Variants in CEP63 observed in about 807,000 individuals in gnomAD.
CEP63 encodes centrosomal protein 63.
In CEP63, 84 loss-of-function variants were observed where a neutral mutation model predicts 89.1. The ratio of observed to expected loss-of-function variants is 0.94; its 90% CI spans 0.79 to 1.13. The LOEUF is 1.13. Among genes scored for constraint, CEP63 ranks in the 50% most tolerant of loss-of-function variants. The probability of loss-of-function intolerance (pLI) is 0.00; values close to 1 mark genes in which losing one functional copy is unlikely to be tolerated. For synonymous variants in CEP63, 267 were observed against 272.5 expected (o/e 0.98, Z 0.20); for missense variants, 838 against 813.3 (o/e 1.03, Z -0.37).
At chr3:134,644,255 C>G in the CEP63 span, among the ~76,000 whole-genome samples, 3 of 152,240 alleles carry the variant, frequency 2.0e-5, no homozygotes, top group Admixed American at 1.3e-4. Flanking sequence ...CACACGTTCT[C>G]TCCACATGCA....
At chr3:134,532,572 T>A (rs932916121) in intron 4 of CEP63, among the ~76,000 whole-genome samples, 14 of 152,316 alleles carry the variant, frequency 9.2e-5, no homozygotes, top group South Asian at 2.1e-4. Context: ...AAATTTTTTT[T>A]AAAATTTTTT....
chr3:134,702,188 C>T, the CEP63 span, among the ~76,000 whole-genome samples: 2 of 152,034 alleles, frequency 1.3e-5, no homozygotes, highest in African/African-American at 4.8e-5. Context: ...GGGAGAACTA[C>T]AAACCACTGC....
intron 14 of CEP63, among the ~76,000 whole-genome samples, chr3:134,560,114 C>T (rs1451320140): frequency 6.6e-6 from 1 of 152,228 alleles, no homozygotes; most frequent in African/African-American, 2.4e-5. Context: ...CCTCACTTCA[C>T]TTTCTTCCTA....
chr3:134,753,577 T>C, the CEP63 span, among the ~76,000 whole-genome samples: 1 of 152,216 alleles, frequency 6.6e-6, no homozygotes, highest in Non-Finnish European at 1.5e-5. Context: ...AAGCACCTCA[T>C]GATTTCCAGA....
At chr3:134,690,452 C>A in the CEP63 span, among the ~76,000 whole-genome samples, 1 of 152,162 alleles carries the variant, frequency 6.6e-6, no homozygotes, top group Non-Finnish European at 1.5e-5. Flanking sequence ...AGCTGCACTG[C>A]AATAGAGTGT....
chr3:134,685,531 G>T, the CEP63 span, among the ~76,000 whole-genome samples: 2 of 152,194 alleles, frequency 1.3e-5, no homozygotes, highest in African/African-American at 4.8e-5. Context: ...ACAACTTGCG[G>T]TTTCATCTCT....
At chr3:134,551,058 C>T (rs1311443896) in intron 11 of CEP63, among the ~76,000 whole-genome samples, 1 of 152,092 alleles carries the variant, frequency 6.6e-6, no homozygotes, top group Non-Finnish European at 1.5e-5. Flanking sequence ...AGAGAAAAGA[C>T]AGGGAGCAAG....
the CEP63 span, among the ~76,000 whole-genome samples, chr3:134,658,125 T>C: frequency 7.2e-5 from 11 of 152,180 alleles, no homozygotes; most frequent in African/African-American, 2.7e-4. Context: ...CTCGATCTCC[T>C]GACCTTGTGA....
the CEP63 span, among the ~76,000 whole-genome samples, chr3:134,689,516 A>G: frequency 6.6e-6 from 1 of 152,014 alleles, no homozygotes; most frequent in African/African-American, 2.4e-5. Context: ...CAGTGGCATG[A>G]GCTCGGCTCA....
In CEP63 at chr3:134,557,376, G is replaced by GTTTTTT. The variant is rs199930556; in HGVS notation, c.1468-743_1468-738dup. On this transcript the variant is annotated intron_variant, in intron 12 of 14. Transcript: ENST00000675561. Reference sequence around the variant, plus strand: ...CTTGACCAGCTTACTTTCATAATTTGTTTTTTTTTTTTTTTTTTTTTTTTT... The same window carrying GTTTTTT: ...CTTGACCAGCTTACTTTCATAATTTGTTTTTTTTTTTTTTTTTTTTTTTTTTTTTTT... Among the ~76,000 whole-genome samples the GTTTTTT allele has an allele frequency of 4.6e-4, 47 of 101,496 alleles. 7 individuals carry two copies. The highest frequency in any genetic ancestry group is 1.9e-3 in the African/African-American group (38 of 20,318). 66.6% of individuals were successfully genotyped at this position (101,496 alleles called of 152,430 possible).
the CEP63 span, among the ~76,000 whole-genome samples, chr3:134,766,450 G>T: frequency 6.6e-6 from 1 of 152,240 alleles, no homozygotes; most frequent in Non-Finnish European, 1.5e-5. Context: ...CCCAGTGCCT[G>T]GGACAGCAGC....
intron 14 of CEP63, among the ~76,000 whole-genome samples, chr3:134,560,718 C>G (rs1957192680): frequency 6.6e-6 from 1 of 152,040 alleles, no homozygotes; most frequent in South Asian, 2.1e-4. Flanking sequence ...ATTATGCTCT[C>G]TGTGTGGGGT....
At chr3:134,682,618 A>G in the CEP63 span, among the ~76,000 whole-genome samples, 125 of 152,250 alleles carry the variant, frequency 8.2e-4, no homozygotes, top group African/African-American at 3.0e-3. Flanking sequence ...GCTTTAATCC[A>G]TTTGTTCATC....
the CEP63 span, among the ~76,000 whole-genome samples, chr3:134,634,363 T>C: frequency 1.3e-5 from 2 of 152,106 alleles, no homozygotes; most frequent in Non-Finnish European, 2.9e-5. Flanking sequence ...AATGAAAAGC[T>C]GTAATCACAA....
At chr3:134,769,877 T>C in the CEP63 span, among the ~76,000 whole-genome samples, 3 of 152,366 alleles carry the variant, frequency 2.0e-5, no homozygotes, top group Admixed American at 6.5e-5. Flanking sequence ...TATGGCTATT[T>C]ATCGTCCCTC....
In CEP63 at chr3:134,513,651, T is replaced by C. The variant is rs574445880; in HGVS notation, c.222+6365T>C. On this transcript the variant is annotated intron_variant, in intron 3 of 14. Transcript: ENST00000675561. ...AAGGTTGAGTGGTGTTTTTGATAACTTTAAGGGGCTAGGGGTCCATGATGG... is the reference window on the plus strand; with the variant it reads ...AAGGTTGAGTGGTGTTTTTGATAACCTTAAGGGGCTAGGGGTCCATGATGG... Among the ~76,000 whole-genome samples the C allele has an allele frequency of 2.6e-5, 4 of 152,158 alleles. No homozygotes were observed. The East Asian group carries it at 7.7e-4, about 29-fold the overall frequency.
chr3:134,573,094 G>A (rs1465037617), intron 11 of CEP63, among the ~76,000 whole-genome samples: 1 of 152,060 alleles, frequency 6.6e-6, no homozygotes, highest in African/African-American at 2.4e-5. Context: ...TTTGCTCACT[G>A]TTTAATGGGG....
chr3:134,733,059 C>G, the CEP63 span, among the ~76,000 whole-genome samples: 1 of 152,192 alleles, frequency 6.6e-6, no homozygotes, highest in East Asian at 1.9e-4. Context: ...GAATCCTACA[C>G]TTAGGGAACC....
At position 134,559,136 on chromosome 3, in the gene CEP63, A is replaced by G. The variant is rs369680981; in HGVS notation, c.1674-14A>G. 5.0e-6 allele frequency: 8 copies of G among 1,612,964 alleles called. No homozygotes were observed. The South Asian group carries it at 8.8e-5, about 18-fold the overall frequency. On this transcript the variant is annotated splice_polypyrimidine_tract_variant and intron_variant, in intron 13 of 14. Coordinates refer to ENST00000675561, the MANE Select transcript of CEP63 (RefSeq NM_001353108.3). ...CAATTTTTTATTTGTTTTGTTTTCT[A>G]ATCTACCATCCAGGCCAACCCATGG...
Sources: allele counts gnomAD v4.1 joint callset (sites outside exome capture counted in the v4.1 genomes callset), GRCh38; gene constraint gnomAD v4.1.1; transcripts MANE v1.5; gene names NCBI Gene and HGNC (gene_info 2026-07-23, HGNC 2026-07-21).